Variants in ALDH1L1 observed in about 807,000 individuals in gnomAD.
ALDH1L1 encodes cytosolic 10-formyltetrahydrofolate dehydrogenase.
In ALDH1L1, 68 loss-of-function variants were observed where a neutral mutation model predicts 101.1. The observed-to-expected ratio is 0.67, with a 90% CI of 0.55 to 0.82. The LOEUF (loss-of-function observed/expected upper bound fraction) is 0.82, where lower values mean the gene tolerates loss of function less well. Among genes scored for constraint, ALDH1L1 ranks in the 40% least tolerant of loss-of-function variants. The pLI is 0.00. For missense variants in ALDH1L1, 1,087 were observed against 1,172.7 expected (o/e 0.93, Z 1.07); for synonymous variants, 486 against 470.8 (o/e 1.03, Z -0.42).
upstream of ALDH1L1, chr3:126,181,576 GTCCCTCAGCCAC>G (rs2081475353): frequency 6.4e-6 from 1 of 156,552 alleles, no homozygotes. Flanking sequence ...AACTAAGGAA[GTCCCTCAGCCAC>G]TCCCTGCCAC....
intron 5 of ALDH1L1, among the ~76,000 whole-genome samples, chr3:126,154,994 C>G (rs2080876923): frequency 6.6e-6 from 1 of 152,200 alleles, no homozygotes; most frequent in Admixed American, 6.5e-5. Context: ...GCAACCCATA[C>G]TCCTGAGCTG....
chr3:126,153,964 C>T (rs2108286538), intron 6 of ALDH1L1, among the ~76,000 whole-genome samples: 1 of 152,350 alleles, frequency 6.6e-6, no homozygotes, highest in South Asian at 2.1e-4. Flanking sequence ...TTTGCTAGTA[C>T]AAAGGGCTCT....
At chr3:126,131,664 A>C in intron 12 of ALDH1L1, 130 bp from the exon 13 acceptor site, 1 of 1,003,434 alleles carries the variant, frequency 1.0e-6, no homozygotes, top group Non-Finnish European at 1.4e-6. Flanking sequence ...AGATGTGCGG[A>C]CCTCCGTTTC....
chr3:126,139,457 A>G (rs971516744), intron 9 of ALDH1L1, among the ~76,000 whole-genome samples: 3 of 152,178 alleles, frequency 2.0e-5, no homozygotes, highest in African/African-American at 7.2e-5. Context: ...TTACCACAAC[A>G]TAACACCCAA....
At chr3:126,141,985 C>CA (rs1367655870) in intron 9 of ALDH1L1, among the ~76,000 whole-genome samples, 1 of 151,962 alleles carries the variant, frequency 6.6e-6, no homozygotes, top group Non-Finnish European at 1.5e-5. Flanking sequence ...AGTGAAGGCT[C>CA]AAATTACTAG....
chr3:126,162,451 G>A (rs146187989), intron 1 of ALDH1L1, among the ~76,000 whole-genome samples: 137 of 152,144 alleles, frequency 9.0e-4, no homozygotes, highest in Middle Eastern at 3.4e-3. Flanking sequence ...CTGTTTCTTG[G>A]CTATTTGGAT....
intron 2 of ALDH1L1, among the ~76,000 whole-genome samples, chr3:126,159,807 A>G (rs2081003645): frequency 6.6e-6 from 1 of 152,210 alleles, no homozygotes. Flanking sequence ...ACTTGTGGTC[A>G]GGTCCAAGAC....
chr3:126,164,275 C>A (rs1278851456), intron 1 of ALDH1L1, among the ~76,000 whole-genome samples: 1 of 152,144 alleles, frequency 6.6e-6, no homozygotes, highest in Non-Finnish European at 1.5e-5. Context: ...TTTCTTTCAA[C>A]TTTTATTTTA....
intron 2 of ALDH1L1, among the ~76,000 whole-genome samples, chr3:126,158,863 T>C (rs954858316): frequency 6.6e-6 from 1 of 152,172 alleles, no homozygotes; most frequent in African/African-American, 2.4e-5. Flanking sequence ...CCCCAGGACC[T>C]CTGAGTGCCT....
Position 126,150,482 on chromosome 3 carries a change from G to A in ALDH1L1, c.908C>T (p.Ser303Leu), listed in dbSNP as rs1191141246. 21 of 1,551,608 alleles carry A rather than the reference G, an allele frequency of 1.4e-5. No individual in the cohort carries two copies. Among genetic ancestry groups the A allele is most frequent in the Non-Finnish European group, 1.8e-5 (21 of 1,146,948 alleles). ...GCTGGCTGCCCCCTTAAAGAAGTTCGAGGCCAGGATCATTTTGCCATCCTC... is the reference window on the plus strand; with the variant it reads ...GCTGGCTGCCCCCTTAAAGAAGTTCAAGGCCAGGATCATTTTGCCATCCTC... ...QLEDGKMILA[S>L]NFFKGAASSV... The change falls in exon 8 of 23, where the codon TCG (serine) becomes TTG (leucine). Residue 303 changes from serine (S) to leucine (L), a missense_variant. Physicochemically the swap from Ser to Leu is moderately radical, Grantham distance 145. Coordinates refer to ENST00000393434, the MANE Select transcript of ALDH1L1 (RefSeq NM_012190.4).
intron 1 of ALDH1L1, among the ~76,000 whole-genome samples, chr3:126,191,056 C>T (rs369359236): frequency 1.1e-4 from 16 of 152,256 alleles, no homozygotes; most frequent in Admixed American, 7.2e-4. Context: ...AAACAAATGT[C>T]GCCTTGGGAT....
chr3:126,177,191 A>G (rs1042494077), intron 1 of ALDH1L1, among the ~76,000 whole-genome samples: 1 of 152,228 alleles, frequency 6.6e-6, no homozygotes, highest in South Asian at 2.1e-4. Context: ...TGATCCATCA[A>G]TCGCTCTTGA....
intron 1 of ALDH1L1, among the ~76,000 whole-genome samples, chr3:126,166,542 T>G (rs1273800822): frequency 6.6e-6 from 1 of 152,216 alleles, no homozygotes; most frequent in East Asian, 1.9e-4. Flanking sequence ...CAGCCAAAAT[T>G]ACATTTCTCC....
chr3:126,157,382 C>T lies in ALDH1L1; in HGVS notation c.489G>A (p.Leu163=). The change falls in exon 4 of 23, where the codon CTG becomes CTA. Residue 163 remains leucine (L), a synonymous_variant. Coordinates refer to ENST00000393434, the MANE Select transcript of ALDH1L1 (RefSeq NM_012190.4). ...CTTCAGGGAAGAGGAAGCGGTTGTA[C>T]AGCGTGCTCACGGTGTCGTCCGGGA... ...EVLPDDTVST[L]YNRFLFPEGI... is the part of the protein sequence containing the mutation. 1 of 1,614,078 alleles carries T rather than the reference C, an allele frequency of 6.2e-7. No individual in the cohort carries two copies. The highest frequency in any genetic ancestry group is 8.5e-7 in the Non-Finnish European group (1 of 1,179,980).
At chr3:126,111,862 G>A (rs1946089111) in intron 19 of ALDH1L1, among the ~76,000 whole-genome samples, 1 of 152,216 alleles carries the variant, frequency 6.6e-6, no homozygotes, top group South Asian at 2.1e-4. Context: ...CGGAAGCTAA[G>A]CCAACCTCAG....
chr3:126,131,441 G>A lies in ALDH1L1; in HGVS notation c.1566C>T (p.His522=), dbSNP rs573922345. The A allele has an allele frequency of 1.1e-5, 17 of 1,613,400 alleles. No individual in the cohort carries two copies. The East Asian group carries it at 2.0e-4, about 19-fold the overall frequency. Residue 522 remains histidine (H), a synonymous_variant, in exon 13 of 23, where the codon CAC becomes CAT. Coordinates refer to ENST00000393434, the MANE Select transcript of ALDH1L1 (RefSeq NM_012190.4). The stretch of plus-strand genomic sequence containing the variant: ...GGAAGGTCTGGATGGACATGCCCAC[G>A]TGGGTCTTCAGGGCCAGCGTGTAGA... ...GAVYTLALKT[H]VGMSIQTFRY... is the part of the protein sequence containing the mutation.
intron 8 of ALDH1L1, 116 bp from the exon 9 acceptor site, chr3:126,147,042 C>T: frequency 2.2e-6 from 2 of 928,044 alleles, no homozygotes; most frequent in Non-Finnish European, 3.2e-6. Flanking sequence ...CTGGGCTTCT[C>T]TATGTACCTC....
chr3:126,142,456 A>G (rs1466151107), intron 9 of ALDH1L1, among the ~76,000 whole-genome samples: 1 of 152,214 alleles, frequency 6.6e-6, no homozygotes, highest in African/African-American at 2.4e-5. Context: ...ACAAAATACT[A>G]GCAAATTGAT....
At chr3:126,146,458 A>G (rs2080683688) in intron 9 of ALDH1L1, among the ~76,000 whole-genome samples, 1 of 152,162 alleles carries the variant, frequency 6.6e-6, no homozygotes, top group Admixed American at 6.5e-5. Context: ...AGCTAAGGAT[A>G]TGGTGTTGGT....
Sources: gnomAD v4.1 joint callset for allele counts (sites outside exome capture counted in the v4.1 genomes callset) on GRCh38, gnomAD v4.1.1 for gene constraint, MANE v1.5 for transcripts, NCBI Gene and HGNC (gene_info 2026-07-23, HGNC 2026-07-21) for gene names.